The following ANKRD12 variants were observed in gnomAD, a reference collection of about 807,000 sequenced individuals.
ANKRD12 encodes the protein ankyrin repeat domain-containing protein 12.
Under a neutral mutation model 183.4 loss-of-function variants are expected in ANKRD12, and 85 were observed. The observed-to-expected ratio is 0.46, with a 90% CI of 0.39 to 0.56. The LOEUF is 0.56. ANKRD12 is among the 20% of genes least tolerant of loss of function. ANKRD12 has a pLI of 0.00. For missense variants in ANKRD12, 2,405 were observed against 2,357.1 expected (o/e 1.02, Z -0.42); for synonymous variants, 914 against 800.2 (o/e 1.14, Z -2.40).
At chr18:9,242,799 A>G (rs534229432) in intron 8 of ANKRD12, among the ~76,000 whole-genome samples, 1 of 152,174 alleles carries the variant, frequency 6.6e-6, no homozygotes, top group African/African-American at 2.4e-5. Flanking sequence ...ATTTTCAGCT[A>G]TTGATTATAT....
chr18:9,137,739 GT>G, intron 1 of ANKRD12: 1 of 152,456 alleles, frequency 6.6e-6, no homozygotes, highest in Non-Finnish European at 1.5e-5. Flanking sequence ...TCCCGTCATC[GT>G]TTTTCAAGTA....
chr18:9,181,948 A>G (rs1487278296), intron 1 of ANKRD12, among the ~76,000 whole-genome samples: 1 of 152,186 alleles, frequency 6.6e-6, no homozygotes, highest in Non-Finnish European at 1.5e-5. Flanking sequence ...GGGATTTTAA[A>G]TGGGAAGGAT....
At chr18:9,146,449 G>A (rs1213652703) in intron 1 of ANKRD12, among the ~76,000 whole-genome samples, 1 of 152,186 alleles carries the variant, frequency 6.6e-6, no homozygotes, top group Non-Finnish European at 1.5e-5. Flanking sequence ...GTGGGAGGCA[G>A]AGGTGAGAGG....
chr18:9,285,607 C>G lies in ANKRD12; in HGVS notation c.*4481C>G, dbSNP rs1455369167. The stretch of plus-strand genomic sequence containing the variant: ...ATCTTAACTAGGCAGTTTGATAAAT[C>G]CTGACAAATGTAAACACTCATGTTA... On this transcript the variant is annotated 3_prime_UTR_variant, in exon 13 of 13. Coordinates refer to ENST00000262126, the MANE Select transcript of ANKRD12 (RefSeq NM_015208.5). 1.3e-5 allele frequency: 2 copies of G among 151,956 alleles called. No homozygotes were observed. Among genetic ancestry groups the G allele is most frequent in the African/African-American group, 4.8e-5 (2 of 41,380 alleles). 9.4% of individuals were successfully genotyped at this position (151,956 alleles called of 1,614,324 possible). A position where few individuals can be genotyped will look rare whatever the true frequency, so the allele number is the denominator to read the frequency against.
chr18:9,196,839 G>C (rs1282533424), intron 3 of ANKRD12, among the ~76,000 whole-genome samples: 2 of 152,064 alleles, frequency 1.3e-5, no homozygotes, highest in African/African-American at 2.4e-5. Flanking sequence ...GAGAGATTCA[G>C]AATCTTTTTT....
chr18:9,264,869 A>C (rs1392771443), intron 10 of ANKRD12, among the ~76,000 whole-genome samples: 2 of 152,248 alleles, frequency 1.3e-5, no homozygotes, highest in African/African-American at 4.8e-5. Context: ...GGGTGGAGCC[A>C]AGATGGCCGA....
intron 9 of ANKRD12, chr18:9,259,682 T>A (rs2038855013): frequency 1.3e-5 from 2 of 152,184 alleles, no homozygotes; most frequent in African/African-American, 4.8e-5. Context: ...TAATTTTTAT[T>A]TTTTAATGAG....
In ANKRD12 at chr18:9,255,422, A is replaced by G; in HGVS notation, c.2155A>G (p.Thr719Ala). ...TTTAAATATGGAACATGAATCCTTA[A>G]CATTAGAAAAAAAATCAAAATTGGA... ...LFLNMEHESL[T>A]LEKKSKLEKN... Residue 719 changes from threonine to alanine, a missense_variant, in exon 9 of 13, where the codon ACA (threonine) becomes GCA (alanine). Around this residue, in one of 7 missense-constraint regions of ANKRD12, gnomAD observed 1,983 missense variants for 1,725.9 expected, o/e 1.15. Transcript: ENST00000262126. The G allele has an allele frequency of 6.4e-7, 1 of 1,574,234 alleles. No individual in the cohort carries two copies. Among genetic ancestry groups the G allele is most frequent in the South Asian group, 1.2e-5 (1 of 83,574 alleles).
chr18:9,149,802 T>TTATTTA (rs1568221357), intron 1 of ANKRD12, among the ~76,000 whole-genome samples: 14 of 131,542 alleles, frequency 1.1e-4, no homozygotes, highest in African/African-American at 3.8e-4. Flanking sequence ...AATTTTATTT[T>TTATTTA]TTTTTTTTTT....
intron 10 of ANKRD12, among the ~76,000 whole-genome samples, chr18:9,268,542 G>A (rs1210685171): frequency 6.6e-6 from 1 of 152,172 alleles, no homozygotes; most frequent in African/African-American, 2.4e-5. Flanking sequence ...CTCAATAGAG[G>A]CAGAAAAGGC....
At chr18:9,214,974 T>C (rs1292453512) in intron 6 of ANKRD12, among the ~76,000 whole-genome samples, 1 of 152,132 alleles carries the variant, frequency 6.6e-6, no homozygotes, top group Non-Finnish European at 1.5e-5. Flanking sequence ...GATCTAAAGC[T>C]GGGGAATTTA....
At chr18:9,180,719 A>G (rs2033640058) in intron 1 of ANKRD12, among the ~76,000 whole-genome samples, 2 of 152,166 alleles carry the variant, frequency 1.3e-5, no homozygotes, top group East Asian at 3.8e-4. Flanking sequence ...TCCAATTGTG[A>G]TTTTTATTGT....
intron 3 of ANKRD12, among the ~76,000 whole-genome samples, chr18:9,201,928 A>G (rs529101302): frequency 1.2e-4 from 18 of 151,860 alleles, no homozygotes; most frequent in African/African-American, 4.3e-4. Context: ...CCTGGGTTCA[A>G]GCAGTTCTCC....
intron 1 of ANKRD12, among the ~76,000 whole-genome samples, chr18:9,172,256 A>G (rs992134543): frequency 2.0e-5 from 3 of 151,988 alleles, no homozygotes; most frequent in Admixed American, 1.3e-4. Flanking sequence ...CCTGAATTTG[A>G]ATGTTGGCCC....
At chr18:9,209,201 G>A (rs967729173) in intron 5 of ANKRD12, among the ~76,000 whole-genome samples, 1 of 152,080 alleles carries the variant, frequency 6.6e-6, no homozygotes, top group African/African-American at 2.4e-5. Context: ...TGACTTACCA[G>A]CAGGACAAAA....
chr18:9,137,586 G>T (rs1224650519), intron 1 of ANKRD12: 1 of 151,476 alleles, frequency 6.6e-6, no homozygotes, highest in African/African-American at 2.4e-5. Context: ...CGGGAGCGTC[G>T]GAGGTACCCG....
In ANKRD12 at chr18:9,257,010, CT is replaced by C; in HGVS notation, c.3749del (p.Leu1250CysfsTer42). The C allele has an allele frequency of 6.2e-7, 1 of 1,614,068 alleles. No homozygotes were observed. The highest frequency in any genetic ancestry group is 8.5e-7 in the Non-Finnish European group (1 of 1,179,982). On this transcript the variant is annotated frameshift_variant, in exon 9 of 13. Transcript: ENST00000262126. LOFTEE classifies it high-confidence loss of function. The part of the protein sequence containing the change: ...SESQMSFSQS[P>X]FLSIAKSPAL... ...TCCCAAATGTCCTTTTCCCAGTCACCTTTTTTGTCAATTGCCAAATCTCCTG... is the reference window on the plus strand; with the variant it reads ...TCCCAAATGTCCTTTTCCCAGTCACCTTTTTGTCAATTGCCAAATCTCCTG...
intron 3 of ANKRD12, among the ~76,000 whole-genome samples, chr18:9,199,297 C>A (rs2035029398): frequency 6.6e-6 from 1 of 151,996 alleles, no homozygotes; most frequent in Non-Finnish European, 1.5e-5. Context: ...GGAAGGTGAT[C>A]ATGATATTGG....
At chr18:9,187,425 T>G (rs2034159996) in intron 2 of ANKRD12, among the ~76,000 whole-genome samples, 1 of 152,208 alleles carries the variant, frequency 6.6e-6, no homozygotes, top group Non-Finnish European at 1.5e-5. Context: ...TTAATTTTTT[T>G]TTAACAGTTC....
Sources: allele counts gnomAD v4.1 joint callset (sites outside exome capture counted in the v4.1 genomes callset), GRCh38; gene constraint gnomAD v4.1.1; regional missense constraint gnomAD v4.1.1; transcripts MANE v1.5; gene names NCBI Gene and HGNC (gene_info 2026-07-23, HGNC 2026-07-21).